Variants in VPS8 observed in about 807,000 individuals in gnomAD.
The protein encoded by VPS8 is vacuolar protein sorting-associated protein 8 homolog.
Under a neutral mutation model 216.4 loss-of-function variants are expected in VPS8, and 129 were observed. That is an observed-to-expected ratio of 0.60 (90% CI 0.52 to 0.69). VPS8 has a LOEUF of 0.69. Ranked by LOEUF, VPS8 falls within the 30% of genes least tolerant of loss-of-function variation. VPS8 has a pLI of 0.00. For missense variants in VPS8, 1,531 were observed against 1,683.5 expected (o/e 0.91, Z 1.59); for synonymous variants, 571 against 565.4 (o/e 1.01, Z -0.14).
chr3:184,814,125 T>C (rs1279761684), intron 1 of VPS8, among the ~76,000 whole-genome samples: 1 of 152,252 alleles, frequency 6.6e-6, no homozygotes, highest in Non-Finnish European at 1.5e-5. Flanking sequence ...TAATAGCAAT[T>C]ATACTTTTTT....
chr3:184,941,895 A>G (rs1468294973), intron 36 of VPS8, among the ~76,000 whole-genome samples: 1 of 151,018 alleles, frequency 6.6e-6, no homozygotes, highest in Non-Finnish European at 1.5e-5. Flanking sequence ...GACCAAGTAT[A>G]TTTTTTTATT....
chr3:184,828,986 T>C (rs1719411752), intron 3 of VPS8, among the ~76,000 whole-genome samples: 2 of 152,216 alleles, frequency 1.3e-5, no homozygotes, highest in African/African-American at 4.8e-5. Context: ...AATTATATAG[T>C]GTGTACTTTT....
chr3:185,034,979 C>A (rs890970440), intron 46 of VPS8, among the ~76,000 whole-genome samples: 2 of 152,174 alleles, frequency 1.3e-5, no homozygotes, highest in East Asian at 1.9e-4. Flanking sequence ...TCTATACACA[C>A]AAATTAGAAA....
chr3:184,960,287 T>C (rs548187619), intron 37 of VPS8, among the ~76,000 whole-genome samples: 1 of 152,266 alleles, frequency 6.6e-6, no homozygotes, highest in East Asian at 1.9e-4. Flanking sequence ...TGAATAGTGT[T>C]GCACTCTTTT....
At chr3:184,889,162 A>G (rs1037218138) in intron 22 of VPS8, among the ~76,000 whole-genome samples, 2 of 152,232 alleles carry the variant, frequency 1.3e-5, no homozygotes, top group African/African-American at 2.4e-5. Context: ...AGCATATAAC[A>G]TAGAAGATAA....
chr3:184,982,636 T>C lies in VPS8; in HGVS notation c.3491T>C (p.Leu1164Pro). Reference sequence around the variant, plus strand: ...CTGTCCAGTTCAGCCATTCCTCATCTACACTCTGAAGGTAAGTTCTTCAGA... The same window carrying C: ...CTGTCCAGTTCAGCCATTCCTCATCCACACTCTGAAGGTAAGTTCTTCAGA... ...QKLSSSAIPH[L>P]HSEALKSLTM... The change falls in exon 41 of 48, where the codon CTA becomes CCA. Residue 1164 changes from leucine (L) to proline (P), a missense_variant. Coordinates refer to ENST00000625842, the MANE Select transcript of VPS8 (RefSeq NM_001009921.3). 3.1e-6 allele frequency: 5 copies of C among 1,612,704 alleles called. No homozygotes were observed. The highest frequency in any genetic ancestry group is 4.2e-6 in the Non-Finnish European group (5 of 1,179,492).
At chr3:184,873,643 C>T (rs889645627) in intron 21 of VPS8, among the ~76,000 whole-genome samples, 2 of 152,058 alleles carry the variant, frequency 1.3e-5, no homozygotes, top group Admixed American at 6.6e-5. Context: ...CCACACTATA[C>T]CACAGAACAA....
At chr3:184,957,591 AG>A in intron 37 of VPS8, 70 bp downstream of exon 37, 1 of 1,456,978 alleles carries the variant, frequency 6.9e-7, no homozygotes, top group Non-Finnish European at 9.2e-7. Flanking sequence ...AGATGATCAA[AG>A]ACAAGGGGAA....
intron 25 of VPS8, 22 bp downstream of exon 25, chr3:184,900,994 A>G (rs769033804): frequency 6.3e-7 from 1 of 1,599,824 alleles, no homozygotes. Context: ...CTAAGCCTTA[A>G]TTTTTTGCTT....
At chr3:185,016,406 T>C (rs1268756871) in intron 45 of VPS8, among the ~76,000 whole-genome samples, 13 of 152,324 alleles carry the variant, frequency 8.5e-5, no homozygotes, top group Non-Finnish European at 1.8e-4. Context: ...AATGTAACAC[T>C]GTGAAAATTT....
In VPS8 at chr3:184,832,768, A is replaced by G; in HGVS notation, c.302A>G (p.Asp101Gly). 1.2e-6 allele frequency: 2 copies of G among 1,610,068 alleles called. No individual in the cohort carries two copies. ...NIDTIDSHSY[D>G]TSSVASSDSG... ...GATACTATTGATTCTCACTCCTATGATACTTCATCTGTGGCAAGCTCAGAT... is the reference window on the plus strand; with the variant it reads ...GATACTATTGATTCTCACTCCTATGGTACTTCATCTGTGGCAAGCTCAGAT... The change falls in exon 4 of 48, where the codon GAT becomes GGT. Residue 101 changes from aspartate (D) to glycine (G), a missense_variant. Transcript: ENST00000625842.
At chr3:184,878,513 A>G (rs1000833540) in intron 21 of VPS8, among the ~76,000 whole-genome samples, 6 of 152,214 alleles carry the variant, frequency 3.9e-5, no homozygotes, top group African/African-American at 1.4e-4. Flanking sequence ...TTTTTGTAGC[A>G]GCTGTAGGCA....
At chr3:184,813,670 A>AT (rs1030080667) in intron 1 of VPS8, 1 of 152,140 alleles carries the variant, frequency 6.6e-6, no homozygotes, top group African/African-American at 2.4e-5. Flanking sequence ...TAATATGTTG[A>AT]TTTTTTCTTT....
At chr3:184,984,393 A>C (rs1275448371) in intron 42 of VPS8, among the ~76,000 whole-genome samples, 1 of 150,466 alleles carries the variant, frequency 6.6e-6, no homozygotes, top group African/African-American at 2.4e-5. Flanking sequence ...TCCTGGGTTC[A>C]AGTGATTCTC....
intron 45 of VPS8, among the ~76,000 whole-genome samples, chr3:185,022,776 G>GTTTATT (rs1164872554): frequency 6.6e-6 from 1 of 152,044 alleles, no homozygotes; most frequent in Non-Finnish European, 1.5e-5. Flanking sequence ...TATCTTGGTT[G>GTTTATT]TTTATTTTTA....
At chr3:185,049,554 C>T (rs1168078208) in intron 47 of VPS8, among the ~76,000 whole-genome samples, 3 of 152,156 alleles carry the variant, frequency 2.0e-5, no homozygotes, top group Non-Finnish European at 4.4e-5. Context: ...AGAAACCCTT[C>T]TGTCCCCTCT....
At chr3:184,941,276 A>AATCTTGAATAGGCTGTGGTACATTTAT (rs1742641164) in intron 36 of VPS8, among the ~76,000 whole-genome samples, 1 of 152,190 alleles carries the variant, frequency 6.6e-6, no homozygotes, top group African/African-American at 2.4e-5. Context: ...GGTACATTTA[A>AATCTTGAATAGGCTGTGGTACATTTAT]ATTTAGTCAA....
At chr3:184,854,863 T>G (rs1423718659) in intron 13 of VPS8, among the ~76,000 whole-genome samples, 2 of 152,216 alleles carry the variant, frequency 1.3e-5, no homozygotes, top group Non-Finnish European at 2.9e-5. Context: ...TCTTGATTGT[T>G]TTCAGAGTTG....
At chr3:184,885,019 T>C (rs1730957366) in intron 21 of VPS8, among the ~76,000 whole-genome samples, 1 of 152,210 alleles carries the variant, frequency 6.6e-6, no homozygotes, top group Admixed American at 6.5e-5. Context: ...AATCTATCAT[T>C]TTACCTCCTG....
Sources: gnomAD v4.1 joint callset for allele counts (sites outside exome capture counted in the v4.1 genomes callset) on GRCh38, gnomAD v4.1.1 for gene constraint, MANE v1.5 for transcripts, NCBI Gene and HGNC (gene_info 2026-07-23, HGNC 2026-07-21) for gene names.